The following COL7A1 variants were observed in gnomAD, a reference collection of about 807,000 sequenced individuals.
COL7A1 encodes collagen alpha-1(VII) chain.
COL7A1 carries 296 observed loss-of-function variants against 456.2 expected under a neutral mutation model. The observed-to-expected ratio is 0.65, with a 90% CI of 0.59 to 0.71. COL7A1 has a LOEUF of 0.71. Ranked by LOEUF, COL7A1 falls within the 30% of genes least tolerant of loss-of-function variation. The pLI is 0.00. For synonymous variants in COL7A1, 1,464 were observed against 1,525.9 expected, an observed-to-expected ratio of 0.96 and a Z score of 0.95; for missense variants, 3,441 against 4,017.2, an observed-to-expected ratio of 0.86 and a Z score of 3.88.
Position 48,579,583 on chromosome 3 carries a change from C to T in COL7A1, c.5235+5G>A. The T allele has an allele frequency of 2.5e-6, 4 of 1,613,940 alleles. No individual in the cohort carries two copies. The highest frequency in any genetic ancestry group is 3.4e-6 in the Non-Finnish European group (4 of 1,180,018). On this transcript the variant is annotated splice_donor_5th_base_variant and intron_variant, in intron 59 of 118. Transcript: ENST00000681320. This position sits in a 1 kb window ranked among gnomAD's most constrained non-coding sequence, Gnocchi z 4.4. ...CCTGCACCCCCGAGGACCAATCACA[C>T]TCACCCTTTCCCCAGGGGCTCCAGG...
rs940815305 is a variant in COL7A1, at chr3:48,578,601, T to A, written c.5425-86A>T. On this transcript the variant is annotated intron_variant, in intron 63 of 118. Transcript: ENST00000681320. This position sits in a 1 kb window ranked among gnomAD's most constrained non-coding sequence, Gnocchi z 4.7. ...ATGGACTAAGAGGACCCCAAAAAGATCTCCCTCCAGGGTAGAGACCCCCAG... is the reference window on the plus strand; with the variant it reads ...ATGGACTAAGAGGACCCCAAAAAGAACTCCCTCCAGGGTAGAGACCCCCAG... The A allele has an allele frequency of 6.8e-7, 1 of 1,465,472 alleles. No homozygotes were observed. The highest frequency in any genetic ancestry group is 9.5e-7 in the Non-Finnish European group (1 of 1,054,468). The allele number at this position is 1,465,472 out of a possible 1,614,324, so 90.8% of individuals were successfully genotyped here.
Position 48,581,680 on chromosome 3 carries a change from C to T in COL7A1, c.4722+26G>A, listed in dbSNP as rs1451924660. The T allele has an allele frequency of 6.2e-7, 1 of 1,614,130 alleles. No homozygotes were observed. On this transcript the variant is annotated intron_variant, in intron 49 of 118. Coordinates refer to ENST00000681320, the MANE Select transcript of COL7A1 (RefSeq NM_000094.4). The surrounding 1 kb of genome is among the most constrained non-coding windows in gnomAD (Gnocchi z 5.8). ...TCAGGAAGACAACCTTCACCAACTG[C>T]CCCCTAAACACTTCGCTTCACTTAC... is the stretch of plus-strand genomic sequence containing the variant.
intron 44 of COL7A1, 110 bp downstream of exon 44, chr3:48,582,903 C>A: frequency 1.3e-6 from 2 of 1,507,344 alleles, no homozygotes; most frequent in South Asian, 2.3e-5. Flanking sequence ...GATAAGTGGT[C>A]ATTGAGGAGG....
In COL7A1 at chr3:48,586,440, G is replaced by C; in HGVS notation, c.3442C>G (p.Pro1148Ala). The change falls in exon 27 of 119, where the codon CCA (proline) becomes GCA (alanine). Residue 1148 changes from proline (P) to alanine (A), a missense_variant. By Grantham distance (27) the Pro-to-Ala change is conservative. Transcript: ENST00000681320. This position sits in a 1 kb window ranked among gnomAD's most constrained non-coding sequence, Gnocchi z 5.1. ...VVTAHRYMLA[P>A]DAPGRRQHVP... ...TGCTGGCGGCGCCCAGGAGCATCTGGTGCCAACATGTATCTGTGAGCTGTG... is the reference window on the plus strand; with the variant it reads ...TGCTGGCGGCGCCCAGGAGCATCTGCTGCCAACATGTATCTGTGAGCTGTG... The C allele has an allele frequency of 6.2e-7, 1 of 1,613,844 alleles. No individual in the cohort carries two copies. The highest frequency in any genetic ancestry group is 8.5e-7 in the Non-Finnish European group (1 of 1,180,042).
Position 48,574,923 on chromosome 3 carries a change from A to C in COL7A1, c.6280-58T>G. ...TCTGTCATAGAGGCATGGGGGAGTC[A>C]TCACAGATCTCAGGATCACAGAGGG... is the stretch of plus-strand genomic sequence containing the variant. On this transcript the variant is annotated intron_variant, in intron 76 of 118. Transcript: ENST00000681320. The surrounding 1 kb of genome is among the most constrained non-coding windows in gnomAD (Gnocchi z 5.0). 1.8e-5 allele frequency: 29 copies of C among 1,602,190 alleles called. No individual in the cohort carries two copies. The highest frequency in any genetic ancestry group is 2.5e-5 in the Non-Finnish European group (29 of 1,170,432).
Position 48,580,938 on chromosome 3 carries a change from G to C in COL7A1, c.4936-12C>G, listed in dbSNP as rs766383258. On this transcript the variant is annotated splice_polypyrimidine_tract_variant and intron_variant, in intron 53 of 118. Transcript: ENST00000681320. The surrounding 1 kb of genome is among the most constrained non-coding windows in gnomAD (Gnocchi z 4.5). Reference sequence around the variant, plus strand: ...AAACCCGGGTCACCCTGGTGATAGAGAGAAAAGTCATACTGCACAGGGCAG... The same window carrying C: ...AAACCCGGGTCACCCTGGTGATAGACAGAAAAGTCATACTGCACAGGGCAG... 4 of 1,614,018 alleles carry C rather than the reference G, an allele frequency of 2.5e-6. No homozygotes were observed. The highest frequency in any genetic ancestry group is 2.2e-5 in the East Asian group (1 of 44,882).
Position 48,574,804 on chromosome 3 carries a change from C to T in COL7A1, c.6341G>A (p.Gly2114Asp), listed in dbSNP as rs2044175577. ...SGEQGPPGLK[G>D]AKGEPGSNGD... ...CTGATTCCACACACTGACCTTAGCA[C>T]CCTTGAGTCCAGGGGGTCCCTGTTC... The change falls in exon 77 of 119, where the codon GGT (glycine) becomes GAT (aspartate). Residue 2114 changes from glycine (G) to aspartate (D), a missense_variant. This residue lies in a region of COL7A1 where 2,084 missense variants were observed against 2,501.3 expected (regional missense o/e 0.83). Transcript: ENST00000681320. The surrounding 1 kb of genome is among the most constrained non-coding windows in gnomAD (Gnocchi z 5.0). 9 of 1,614,030 alleles carry T rather than the reference C, an allele frequency of 5.6e-6. No individual in the cohort carries two copies. The highest frequency in any genetic ancestry group is 7.6e-6 in the Non-Finnish European group (9 of 1,180,026).
In COL7A1 at chr3:48,593,073, C is replaced by A. The variant is rs894409462; in HGVS notation, c.682+29G>T. ...GGGGATTGGGGTCCGGGGTCTAGGT[C>A]AGGGTACACCGTGTGGGCAGGAACT... On this transcript the variant is annotated intron_variant, in intron 6 of 118. Transcript: ENST00000681320. This position sits in a 1 kb window ranked among gnomAD's most constrained non-coding sequence, Gnocchi z 4.4. 5.6e-6 allele frequency: 9 copies of A among 1,613,898 alleles called. No homozygotes were observed. The Admixed American group carries it at 8.3e-5, about 15-fold the overall frequency.
At position 48,570,309 on chromosome 3, in the gene COL7A1, C is replaced by T; in HGVS notation, c.7406G>A (p.Gly2469Glu). The T allele has an allele frequency of 6.2e-7, 1 of 1,614,086 alleles. No individual in the cohort carries two copies. The highest frequency in any genetic ancestry group is 8.5e-7 in the Non-Finnish European group (1 of 1,179,970). The part of the protein sequence containing the change: ...DKGDPGVGLP[G>E]PRGERGEPGI... ...TGGCTCCCCACGCTCGCCTCGGGGC[C>T]CAGGCAGCCCTACTCCAGGGTCTCC... The change falls in exon 98 of 119, where the codon GGG becomes GAG. Residue 2469 changes from glycine to glutamate, a missense_variant. Physicochemically the swap from Gly to Glu is moderately conservative, Grantham distance 98 (BLOSUM62 -2). Transcript: ENST00000681320. This position sits in a 1 kb window ranked among gnomAD's most constrained non-coding sequence, Gnocchi z 5.5.
At chr3:48,577,126 G>T (rs946458686) in intron 65 of COL7A1, 99 bp from the exon 66 acceptor site, 12 of 1,492,410 alleles carry the variant, frequency 8.0e-6, no homozygotes, top group Non-Finnish European at 1.1e-5. Context: ...GTATTTCTGT[G>T]CCTGTAGCTC....
chr3:48,579,090 G>C lies in COL7A1; in HGVS notation c.5388+107C>G. On this transcript the variant is annotated intron_variant, in intron 62 of 118. Transcript: ENST00000681320. This position sits in a 1 kb window ranked among gnomAD's most constrained non-coding sequence, Gnocchi z 4.4. ...GGAGAAGACACAGACAACAGGTCTCGCCCCAGAGCTCGTCAAGGCCAAGAC... is the reference window on the plus strand; with the variant it reads ...GGAGAAGACACAGACAACAGGTCTCCCCCCAGAGCTCGTCAAGGCCAAGAC... 1.9e-6 allele frequency: 3 copies of C among 1,547,446 alleles called. No individual in the cohort carries two copies. The highest frequency in any genetic ancestry group is 2.2e-5 in the South Asian group (2 of 89,554).
At position 48,573,007 on chromosome 3, in the gene COL7A1, C is replaced by A; in HGVS notation, c.6750+14G>T. ...TTGACCCCTGGAGCCCAACCCTTGA[C>A]CCCCAGAACTCACCACTTGTCCAGG... On this transcript the variant is annotated intron_variant, in intron 86 of 118. Coordinates refer to ENST00000681320, the MANE Select transcript of COL7A1 (RefSeq NM_000094.4). The surrounding 1 kb of genome is among the most constrained non-coding windows in gnomAD (Gnocchi z 5.5). 6.2e-7 allele frequency: 1 copy of A among 1,614,058 alleles called. No individual in the cohort carries two copies.
In COL7A1 at chr3:48,581,713, C is replaced by G; in HGVS notation, c.4715G>C (p.Gly1572Ala). 2.5e-6 allele frequency: 4 copies of G among 1,614,124 alleles called. No individual in the cohort carries two copies. The highest frequency in any genetic ancestry group is 3.4e-6 in the Non-Finnish European group (4 of 1,180,028). Residue 1572 changes from glycine (G) to alanine (A), a missense_variant, in exon 49 of 119, where the codon GGG becomes GCG. By Grantham distance (60) the Gly-to-Ala change is moderately conservative. Transcript: ENST00000681320. This position sits in a 1 kb window ranked among gnomAD's most constrained non-coding sequence, Gnocchi z 5.8. ...ACACTTCGCTTCACTTACCCGTTCC[C>G]CTTGGACTCCGGTAGCTCCTCTGGG... ...AGPRGATGVQ[G>A]ERGPPGLVLP...
chr3:48,583,337 C>A lies in COL7A1; in HGVS notation c.4437+56G>T, dbSNP rs2044923133. The A allele has an allele frequency of 5.6e-6, 9 of 1,610,860 alleles. No individual in the cohort carries two copies. The highest frequency in any genetic ancestry group is 7.6e-6 in the Non-Finnish European group (9 of 1,177,242). On this transcript the variant is annotated intron_variant, in intron 42 of 118. Transcript: ENST00000681320. This position sits in a 1 kb window ranked among gnomAD's most constrained non-coding sequence, Gnocchi z 5.1. ...CCTTATCTTCCAGCCTCCCCTAACA[C>A]CATGGGGAGCCCAGAGTAGCACCCC...
At position 48,574,477 on chromosome 3, in the gene COL7A1, C is replaced by T. The variant is rs758218963; in HGVS notation, c.6456+11G>A. On this transcript the variant is annotated intron_variant, in intron 79 of 118. Coordinates refer to ENST00000681320, the MANE Select transcript of COL7A1 (RefSeq NM_000094.4). The surrounding 1 kb of genome is among the most constrained non-coding windows in gnomAD (Gnocchi z 5.0). ...TTCTTGCACATGTGTGGCTGTTGGGCAAGGACTTACCGGGTTGCCGTCCTG... is the reference window on the plus strand; with the variant it reads ...TTCTTGCACATGTGTGGCTGTTGGGTAAGGACTTACCGGGTTGCCGTCCTG... 1 of 1,614,130 alleles carries T rather than the reference C, an allele frequency of 6.2e-7. No individual in the cohort carries two copies. Among genetic ancestry groups the T allele is most frequent in the East Asian group, 2.2e-5 (1 of 44,888 alleles).
rs754250736 is a variant in COL7A1 at position 48,580,249 on chromosome 3, C to A, written c.5097+51G>T. The stretch of plus-strand genomic sequence containing the variant: ...TTGTGTGAAGGCACACTGGCAGCAG[C>A]GCCAGGGGACCCTCCATCCCTTCTG... On this transcript the variant is annotated intron_variant, in intron 56 of 118. Transcript: ENST00000681320. The surrounding 1 kb of genome is among the most constrained non-coding windows in gnomAD (Gnocchi z 4.5). 2.5e-6 allele frequency: 4 copies of A among 1,594,700 alleles called. No individual in the cohort carries two copies. The Admixed American group carries it at 5.1e-5, about 20-fold the overall frequency.
In COL7A1 at chr3:48,565,663, G is replaced by A; in HGVS notation, c.8413C>T (p.Gln2805Ter). The A allele has an allele frequency of 1.2e-6, 2 of 1,613,516 alleles. No homozygotes were observed. Among genetic ancestry groups the A allele is most frequent in the Non-Finnish European group, 1.7e-6 (2 of 1,179,772 alleles). The change falls in exon 115 of 119, where the codon CAG becomes TAG. Residue 2805 changes from glutamine (Q) to a stop codon, truncating the protein, a stop_gained. Transcript: ENST00000681320. LOFTEE classifies it high-confidence loss of function. This position sits in a 1 kb window ranked among gnomAD's most constrained non-coding sequence, Gnocchi z 4.5. ...GATCCAGATGCGATGAACTGGCCCT[G>A]GCAGGCTAGAGGGGGCAGAGAGGGA... The part of the protein sequence containing the change: ...RQEMSQHCAC[Q>*]GQFIASGSRP...
chr3:48,571,198 T>C lies in COL7A1; in HGVS notation c.7105-38A>G, dbSNP rs370531673. ...GAGGCATCGGATCAAGCTCAGGGAG[T>C]CTCACGACCAGGACCCCAGCAGGGA... is the stretch of plus-strand genomic sequence containing the variant. On this transcript the variant is annotated intron_variant, in intron 93 of 118. Coordinates refer to ENST00000681320, the MANE Select transcript of COL7A1 (RefSeq NM_000094.4). The surrounding 1 kb of genome is among the most constrained non-coding windows in gnomAD (Gnocchi z 4.6). 12 of 1,613,534 alleles carry C rather than the reference T, an allele frequency of 7.4e-6. No individual in the cohort carries two copies. The highest frequency in any genetic ancestry group is 8.5e-6 in the Non-Finnish European group (10 of 1,179,928).
chr3:48,576,169 TG>T, intron 71 of COL7A1, 79 bp downstream of exon 71: 1 of 1,597,478 alleles, frequency 6.3e-7, no homozygotes, highest in East Asian at 2.2e-5. Context: ...TGGAGCCTCA[TG>T]GCAAGGGGAA....
Sources: allele counts gnomAD v4.1 joint callset, GRCh38; gene constraint gnomAD v4.1.1; regional missense constraint gnomAD v4.1.1; non-coding constraint Gnocchi (gnomAD v3.1); transcripts MANE v1.5; gene names NCBI Gene and HGNC (gene_info 2026-07-23, HGNC 2026-07-21).